CDKAL1: variants seen among roughly 807,000 people sequenced by gnomAD.
CDKAL1 encodes threonylcarbamoyladenosine tRNA methylthiotransferase.
A neutral mutation model predicts 68.2 loss-of-function variants in CDKAL1; 32 were observed. That is an observed-to-expected ratio of 0.47 (90% confidence interval 0.35 to 0.63). The LOEUF is 0.63. CDKAL1 is among the 30% of genes least tolerant of loss of function. The probability of loss-of-function intolerance (pLI) is 0.00; values close to 1 mark genes in which losing one functional copy is unlikely to be tolerated. For synonymous variants in CDKAL1, 234 were observed against 244.3 expected (o/e 0.96, Z 0.39); for missense variants, 606 against 696.7 (o/e 0.87, Z 1.47).
intron 12 of CDKAL1, among the ~76,000 whole-genome samples, chr6:21,093,795 C>T (rs1256388091): frequency 2.1e-5 from 3 of 143,578 alleles, no homozygotes; most frequent in Non-Finnish European, 3.0e-5. Context: ...GGTCATGGCT[C>T]ACTGCAACCT....
At chr6:20,652,509 C>A (rs1236709009) in intron 5 of CDKAL1, among the ~76,000 whole-genome samples, 4 of 151,996 alleles carry the variant, frequency 2.6e-5, no homozygotes, top group Non-Finnish European at 4.4e-5. Flanking sequence ...TAGAAACCTT[C>A]TTCTAGAAAT....
chr6:20,783,467 G>C (rs1209525143), intron 8 of CDKAL1, among the ~76,000 whole-genome samples: 2 of 152,080 alleles, frequency 1.3e-5, no homozygotes, highest in African/African-American at 4.8e-5. Context: ...CCAGTATTCA[G>C]TCTTCCTGAA....
At chr6:21,176,084 G>A (rs989635464) in intron 13 of CDKAL1, among the ~76,000 whole-genome samples, 1 of 152,202 alleles carries the variant, frequency 6.6e-6, no homozygotes, top group African/African-American at 2.4e-5. Flanking sequence ...GGTGTTTTGA[G>A]TATTGAACTG....
chr6:21,094,714 C>A (rs932947932), intron 12 of CDKAL1, among the ~76,000 whole-genome samples: 3 of 152,068 alleles, frequency 2.0e-5, no homozygotes, highest in Admixed American at 1.3e-4. Flanking sequence ...GCCAATAGAT[C>A]CAGACACTAG....
At chr6:20,797,686 TC>T (rs1188160603) in intron 8 of CDKAL1, among the ~76,000 whole-genome samples, 1 of 152,144 alleles carries the variant, frequency 6.6e-6, no homozygotes, top group Non-Finnish European at 1.5e-5. Context: ...ATCCCCAACA[TC>T]TTGGATGGAT....
chr6:20,590,623 G>C lies in CDKAL1; in HGVS notation c.286+41918G>C, dbSNP rs567179338. On this transcript the variant is annotated intron_variant, in intron 4 of 15. Transcript: ENST00000274695. ...ACATGCAGTGTTTGGTTTTCTGTTC[G>C]TGTGTTAGTTTGCTGAGAATGATGG... Among the ~76,000 whole-genome samples the C allele has an allele frequency of 5.5e-4, 83 of 151,974 alleles. 2 individuals carry two copies. In the South Asian group the frequency reaches 0.015, roughly 27 times the overall value.
chr6:20,553,695 C>T (rs879455558), intron 4 of CDKAL1, among the ~76,000 whole-genome samples: 6 of 152,214 alleles, frequency 3.9e-5, no homozygotes, highest in Non-Finnish European at 7.3e-5. Context: ...ACTGCAACCT[C>T]TGCCTTCTGG....
chr6:21,097,467 C>CA (rs1174261643), intron 12 of CDKAL1, among the ~76,000 whole-genome samples: 7 of 131,108 alleles, frequency 5.3e-5, no homozygotes, highest in African/African-American at 2.0e-4. Flanking sequence ...GACTCCGTCT[C>CA]AAAAAACAAA....
At chr6:20,917,483 G>A (rs1762771317) in intron 9 of CDKAL1, among the ~76,000 whole-genome samples, 1 of 152,102 alleles carries the variant, frequency 6.6e-6, no homozygotes, top group African/African-American at 2.4e-5. Context: ...CTTGTTCTGT[G>A]ATTGCTTATG....
At chr6:20,869,596 G>A (rs1760090473) in intron 9 of CDKAL1, among the ~76,000 whole-genome samples, 1 of 152,098 alleles carries the variant, frequency 6.6e-6, no homozygotes, top group African/African-American at 2.4e-5. Flanking sequence ...TTAAGAATGG[G>A]TAAAATGGCT....
intron 11 of CDKAL1, among the ~76,000 whole-genome samples, chr6:21,004,616 A>T (rs1561953953): frequency 1.3e-5 from 2 of 152,036 alleles, no homozygotes; most frequent in Non-Finnish European, 2.9e-5. Context: ...ATTTGTAGGG[A>T]TAGGGGAAGA....
At chr6:21,191,392 A>C (rs999059638) in intron 13 of CDKAL1, among the ~76,000 whole-genome samples, 3 of 152,228 alleles carry the variant, frequency 2.0e-5, no homozygotes, top group African/African-American at 7.2e-5. Context: ...TGTGACACAA[A>C]TGACACAGCT....
intron 5 of CDKAL1, among the ~76,000 whole-genome samples, chr6:20,652,436 G>A (rs1359077853): frequency 1.3e-5 from 2 of 152,128 alleles, no homozygotes; most frequent in African/African-American, 4.8e-5. Context: ...GTTCCCTCAA[G>A]TTAACGTGGA....
At chr6:20,961,938 G>A (rs1338181513) in intron 10 of CDKAL1, among the ~76,000 whole-genome samples, 2 of 152,062 alleles carry the variant, frequency 1.3e-5, no homozygotes, top group Non-Finnish European at 2.9e-5. Flanking sequence ...ATTTTAAAAA[G>A]TTATTCTGGT....
chr6:20,668,187 ATTTG>A (rs551223327), intron 5 of CDKAL1, among the ~76,000 whole-genome samples: 1 of 151,856 alleles, frequency 6.6e-6, no homozygotes, highest in Non-Finnish European at 1.5e-5. Flanking sequence ...TTCATAGAAT[ATTTG>A]TTTGTTCTCT....
At chr6:21,170,451 G>A (rs1466277554) in intron 13 of CDKAL1, among the ~76,000 whole-genome samples, 1 of 151,730 alleles carries the variant, frequency 6.6e-6, no homozygotes, top group Non-Finnish European at 1.5e-5. Context: ...TGCCTTAGCC[G>A]CCCGAGTAGC....
chr6:20,591,174 C>T (rs145366404), intron 4 of CDKAL1, among the ~76,000 whole-genome samples: 1,666 of 152,292 alleles, frequency 0.011, 28 homozygotes, highest in African/African-American at 0.036. Context: ...AGTGTCCGTT[C>T]ATATTCTTCG....
intron 13 of CDKAL1, among the ~76,000 whole-genome samples, chr6:21,153,218 G>A (rs1048466645): frequency 6.8e-6 from 1 of 147,454 alleles, no homozygotes; most frequent in Non-Finnish European, 1.5e-5. Flanking sequence ...CATTGGCAGG[G>A]TAGAGGTATG....
intron 9 of CDKAL1, among the ~76,000 whole-genome samples, chr6:20,875,664 A>G (rs1006322904): frequency 2.7e-5 from 4 of 150,780 alleles, no homozygotes; most frequent in Non-Finnish European, 4.4e-5. Flanking sequence ...CTCTGTCTCT[A>G]TTACCTTCAC....
Sources: allele counts gnomAD v4.1 joint callset (sites outside exome capture counted in the v4.1 genomes callset), GRCh38; gene constraint gnomAD v4.1.1; transcripts MANE v1.5; gene names NCBI Gene and HGNC (gene_info 2026-07-23, HGNC 2026-07-21).